DSCC1: variants seen among roughly 807,000 people sequenced by gnomAD.
DSCC1 encodes the protein sister chromatid cohesion protein DCC1.
A neutral mutation model predicts 48.2 loss-of-function variants in DSCC1; 32 were observed. The ratio of observed to expected loss-of-function variants is 0.66; its 90% confidence interval spans 0.50 to 0.89. The LOEUF (loss-of-function observed/expected upper bound fraction) is 0.89. Among genes scored for constraint, DSCC1 ranks in the 40% least tolerant of loss-of-function variants. The probability of loss-of-function intolerance (pLI) is 0.00; values close to 1 mark genes in which losing one functional copy is unlikely to be tolerated. For missense variants in DSCC1, 421 were observed against 471.7 expected (o/e 0.89, Z 1.00); for synonymous variants, 150 against 171.5 (o/e 0.87, Z 0.98).
intron 3 of DSCC1, among the ~76,000 whole-genome samples, chr8:119,847,824 C>T (rs1394285894): frequency 1.3e-5 from 2 of 152,050 alleles, no homozygotes; most frequent in African/African-American, 4.8e-5. Context: ...CGCCACCACA[C>T]CTGGCAAATT....
Position 119,841,947 on chromosome 8 carries a change from G to A in DSCC1, c.771C>T (p.Gly257=), listed in dbSNP as rs553526184. The change falls in exon 7 of 9, where the codon GGC becomes GGT. Residue 257 remains glycine, a splice_region_variant and synonymous_variant. Transcript: ENST00000313655. ...KCYGKKYVDE[G]EVYFELDADK... is the part of the protein sequence containing the mutation. ...CAGCATCCAACTCAAAATAAACTTC[G>A]CCTAAGGAAAAGTTATCAGATATTT... is the stretch of plus-strand genomic sequence containing the variant. 19 of 1,612,604 alleles carry A rather than the reference G, an allele frequency of 1.2e-5. No homozygotes were observed. The highest frequency in any genetic ancestry group is 5.5e-5 in the South Asian group (5 of 90,974).
intron 1 of DSCC1, 67 bp downstream of exon 1, chr8:119,855,547 G>T: frequency 6.7e-7 from 1 of 1,495,008 alleles, no homozygotes; most frequent in South Asian, 1.3e-5. Context: ...TTCTTATCCC[G>T]ACTTTCCCCG....
At chr8:119,853,340 C>T in intron 1 of DSCC1, 125 bp from the exon 2 acceptor site, 2 of 1,040,316 alleles carry the variant, frequency 1.9e-6, no homozygotes, top group Admixed American at 2.8e-5. Context: ...TGCCTCTGCC[C>T]CCTGCTAGCA....
At chr8:119,850,306 AAGT>A (rs1292483821) in intron 3 of DSCC1, 73 bp downstream of exon 3, 3 of 1,416,022 alleles carry the variant, frequency 2.1e-6, no homozygotes, top group Non-Finnish European at 2.8e-6. Flanking sequence ...AAATTTTAAA[AAGT>A]AAGAATGTGA....
chr8:119,852,969 A>G lies in DSCC1; in HGVS notation c.351+78T>C, dbSNP rs559337276. ...CCCTGATTATAGATTTTACACGTAA[A>G]CTTTTTAACTAAAGATCAAATTACC... On this transcript the variant is annotated intron_variant, in intron 2 of 8. Transcript: ENST00000313655. 8 of 1,334,686 alleles carry G rather than the reference A, an allele frequency of 6.0e-6. No homozygotes were observed. The African/African-American group carries it at 7.4e-5, about 12-fold the overall frequency. The allele number at this position is 1,334,686 out of a possible 1,614,324, so 82.7% of individuals were successfully genotyped here.
chr8:119,850,485 A>T lies in DSCC1; in HGVS notation c.383T>A (p.Leu128Ter). 6.3e-7 allele frequency: 1 copy of T among 1,578,926 alleles called. No individual in the cohort carries two copies. The highest frequency in any genetic ancestry group is 8.6e-7 in the Non-Finnish European group (1 of 1,167,994). ...IFGFSNNYWE[L>*]RRRRPKLKKL... Reference sequence around the variant, plus strand: ...CTTTAACTTGGGTCTACGTCTTCTTAATTCCCAATAATTATTAGAAAAACC... The same window carrying T: ...CTTTAACTTGGGTCTACGTCTTCTTTATTCCCAATAATTATTAGAAAAACC... The change falls in exon 3 of 9, where the codon TTA (leucine) becomes TAA (stop). Residue 128 changes from leucine to a stop codon, truncating the protein, a stop_gained. Transcript: ENST00000313655. LOFTEE classifies it high-confidence loss of function.
chr8:119,841,981 T>C lies in DSCC1; in HGVS notation c.770-33A>G, dbSNP rs755582233. ...AAAGTTATCAGATATTTTCATATTA[T>C]CATCTTACAATTAAATATTATACTA... On this transcript the variant is annotated intron_variant, in intron 6 of 8. Transcript: ENST00000313655. 4 of 1,599,338 alleles carry C rather than the reference T, an allele frequency of 2.5e-6. No individual in the cohort carries two copies. In the African/African-American group the frequency reaches 5.4e-5, roughly 21 times the overall value.
rs559073747 is a variant in DSCC1, at chr8:119,834,658, T to G, written c.*235A>C. ...AATCATAGAGACCTCAGACATAATA[T>G]AGGAAAGAATTCTTTTGTCCTTGTT... On this transcript the variant is annotated 3_prime_UTR_variant, in exon 9 of 9. Coordinates refer to ENST00000313655, the MANE Select transcript of DSCC1 (RefSeq NM_024094.3). 1 of 387,770 alleles carries G rather than the reference T, an allele frequency of 2.6e-6. No homozygotes were observed. The highest frequency in any genetic ancestry group is 4.8e-5 in the Admixed American group (1 of 20,666). The allele number at this position is 387,770 out of a possible 1,614,324, so 24.0% of individuals were successfully genotyped here. A position where few individuals can be genotyped will look rare whatever the true frequency, so the allele number is the denominator to read the frequency against.
chr8:119,851,909 C>CA (rs1826947464), intron 2 of DSCC1, among the ~76,000 whole-genome samples: 3 of 152,106 alleles, frequency 2.0e-5, no homozygotes. Flanking sequence ...TATGCCCTCA[C>CA]AAAAACACCT....
At chr8:119,837,516 AGAG>A (rs1255853236) in intron 8 of DSCC1, among the ~76,000 whole-genome samples, 5 of 152,220 alleles carry the variant, frequency 3.3e-5, no homozygotes. Context: ...CTCCAAGGGT[AGAG>A]AAGTTTCATG....
chr8:119,851,059 T>C (rs1316591889), intron 2 of DSCC1, among the ~76,000 whole-genome samples: 1 of 152,192 alleles, frequency 6.6e-6, no homozygotes, highest in African/African-American at 2.4e-5. Context: ...ATTTGTGAAA[T>C]AGTGAGAGGC....
At chr8:119,853,768 C>T (rs1054430267) in intron 1 of DSCC1, among the ~76,000 whole-genome samples, 1 of 152,180 alleles carries the variant, frequency 6.6e-6, no homozygotes, top group African/African-American at 2.4e-5. Context: ...AGTACCCCCT[C>T]ACAATCAAAG....
Position 119,853,179 on chromosome 8 carries a change from C to A in DSCC1, c.219G>T (p.Val73=). The stretch of plus-strand genomic sequence containing the variant: ...CGTATGTTTTGTCTTTACTGCACAG[C>A]ACAGCTTGCTCGTCTTTATCACCAC... The part of the protein sequence containing the change: ...VIRGDKDEQA[V]LCSKDKTYDL... The change falls in exon 2 of 9, where the codon GTG becomes GTT. Residue 73 remains valine, a synonymous_variant. Transcript: ENST00000313655. The A allele has an allele frequency of 6.2e-7, 1 of 1,612,934 alleles. No individual in the cohort carries two copies. The highest frequency in any genetic ancestry group is 1.1e-5 in the South Asian group (1 of 90,916).
At chr8:119,838,160 A>C in intron 8 of DSCC1, 99 bp downstream of exon 8, 1 of 1,323,958 alleles carries the variant, frequency 7.6e-7, no homozygotes, top group Non-Finnish European at 1.0e-6. Context: ...TCCTCAGGGA[A>C]TACTCAAGAA....
intron 3 of DSCC1, 47 bp downstream of exon 3, chr8:119,850,335 G>T: frequency 6.6e-7 from 1 of 1,520,272 alleles, no homozygotes; most frequent in South Asian, 1.3e-5. Context: ...AAGTGCCTCT[G>T]ATTATAGTTG....
intron 5 of DSCC1, 103 bp from the exon 6 acceptor site, chr8:119,842,931 A>G (rs1484363834): frequency 1.5e-5 from 14 of 937,466 alleles, no homozygotes; most frequent in Middle Eastern, 4.4e-4. Flanking sequence ...TTGAGATTTC[A>G]AATACTAAGT....
chr8:119,851,104 G>A lies in DSCC1; in HGVS notation c.352-588C>T, dbSNP rs533142257. On this transcript the variant is annotated intron_variant, in intron 2 of 8. Transcript: ENST00000313655. ...AAAATCCAGTTGATAAGAGGCTAGA[G>A]AATGGATGAATATCTGTTATCCTTG... 7.2e-5 allele frequency among the ~76,000 whole-genome samples: 11 copies of A among 152,336 alleles called. No individual in the cohort carries two copies. In the South Asian group the frequency reaches 2.3e-3, roughly 32 times the overall value.
At chr8:119,847,954 C>G (rs1426063973) in intron 3 of DSCC1, among the ~76,000 whole-genome samples, 7 of 151,832 alleles carry the variant, frequency 4.6e-5, no homozygotes, top group Non-Finnish European at 1.0e-4. Flanking sequence ...CGTGAGCCAC[C>G]CCGCCTGGCC....
intron 5 of DSCC1, among the ~76,000 whole-genome samples, chr8:119,843,135 TGA>T (rs1826798679): frequency 7.0e-6 from 1 of 142,760 alleles, no homozygotes; most frequent in African/African-American, 2.7e-5. Context: ...TTTTTTTTTT[TGA>T]GAGTGCAGTA....
Sources: allele counts gnomAD v4.1 joint callset (sites outside exome capture counted in the v4.1 genomes callset), GRCh38; gene constraint gnomAD v4.1.1; transcripts MANE v1.5; gene names NCBI Gene and HGNC (gene_info 2026-07-23, HGNC 2026-07-21).